Variants in DNAH14 observed in about 807,000 individuals in gnomAD.
DNAH14 encodes the protein dynein axonemal heavy chain 14, also known as axonemal beta dynein heavy chain 14.
In DNAH14, 478 loss-of-function variants were observed where a neutral mutation model predicts 520.9. That is an observed-to-expected ratio of 0.92 (90% CI 0.85 to 0.99). The LOEUF (loss-of-function observed/expected upper bound fraction) is 0.99, where lower values mean the gene tolerates loss of function less well. DNAH14 is among the 50% of genes least tolerant of loss of function. The pLI is 0.00. For missense variants in DNAH14, 4,831 were observed against 5,234.5 expected (o/e 0.92, Z 2.38); for synonymous variants, 1,581 against 1,757.2 (o/e 0.90, Z 2.51).
rs146626307 is a variant in DNAH14, at chr1:225,278,968, G to A, written c.8271+1466G>A. ...TCCTGATTCCTCTGATCCTATTACT[G>A]TTGGGGTTTTTTTGTTTGTTTGTTT... On this transcript the variant is annotated intron_variant, in intron 54 of 85. Coordinates refer to ENST00000682510, the MANE Select transcript of DNAH14 (RefSeq NM_001367479.1). Among the ~76,000 whole-genome samples, 99 of 152,086 alleles carry A rather than the reference G, an allele frequency of 6.5e-4. 1 individual carries two copies. The highest frequency in any genetic ancestry group is 2.3e-3 in the African/African-American group (95 of 41,496).
chr1:224,990,644 T>C (rs2062972721), intron 8 of DNAH14, among the ~76,000 whole-genome samples: 1 of 152,218 alleles, frequency 6.6e-6, no homozygotes, highest in African/African-American at 2.4e-5. Flanking sequence ...AATTTCTTTC[T>C]GAATAGTATT....
rs1394746638 is a variant in DNAH14, at chr1:225,333,177, T to G, written c.9865-114T>G. On this transcript the variant is annotated intron_variant, in intron 65 of 85. Coordinates refer to ENST00000682510, the MANE Select transcript of DNAH14 (RefSeq NM_001367479.1). Reference sequence around the variant, plus strand: ...TATTAACTTTGATACAGCCACAGCTTGAGAACAGCAGTAGTAATTGCAATG... The same window carrying G: ...TATTAACTTTGATACAGCCACAGCTGGAGAACAGCAGTAGTAATTGCAATG... The G allele has an allele frequency of 4.9e-6, 4 of 816,398 alleles. No homozygotes were observed. In the East Asian group the frequency reaches 1.1e-4, roughly 22 times the overall value. The allele number at this position is 816,398 out of a possible 1,614,324, so 50.6% of individuals were successfully genotyped here.
At chr1:225,281,330 A>C (rs1174608915) in intron 54 of DNAH14, among the ~76,000 whole-genome samples, 1 of 151,750 alleles carries the variant, frequency 6.6e-6, no homozygotes, top group Admixed American at 6.6e-5. Flanking sequence ...TTGACCCTTC[A>C]TCAGTCATAA....
At position 225,351,679 on chromosome 1, in the gene DNAH14, C is replaced by T; in HGVS notation, c.11329C>T (p.Gln3777Ter). 1 of 1,549,632 alleles carries T rather than the reference C, an allele frequency of 6.5e-7. No individual in the cohort carries two copies. The highest frequency in any genetic ancestry group is 8.7e-7 in the Non-Finnish European group (1 of 1,145,558). ...TGAAATAGGTGAAAGTCAACATCTT[C>T]AGTGGCTGTCAGATTCCAGGTGGAG... The part of the protein sequence containing the change: ...TFEIGESQHL[Q>*]WLSDSRWRQC... The change falls in exon 72 of 86, where the codon CAG becomes TAG. Residue 3777 changes from glutamine to a stop codon, truncating the protein, a stop_gained. Coordinates refer to ENST00000682510, the MANE Select transcript of DNAH14 (RefSeq NM_001367479.1). LOFTEE classifies it high-confidence loss of function.
chr1:224,946,477 G>A (rs1219110301), intron 1 of DNAH14, among the ~76,000 whole-genome samples: 3 of 152,082 alleles, frequency 2.0e-5, no homozygotes, highest in Admixed American at 2.0e-4. Flanking sequence ...TGCACCCACT[G>A]TCCTGCACCC....
intron 60 of DNAH14, among the ~76,000 whole-genome samples, chr1:225,308,615 A>C (rs1319351245): frequency 6.6e-6 from 1 of 152,186 alleles, no homozygotes; most frequent in Non-Finnish European, 1.5e-5. Flanking sequence ...CCAAACATGC[A>C]TGGTCCCTGT....
At chr1:225,163,303 G>A (rs1194640985) in intron 35 of DNAH14, among the ~76,000 whole-genome samples, 1 of 152,054 alleles carries the variant, frequency 6.6e-6, no homozygotes, top group African/African-American at 2.4e-5. Flanking sequence ...TCATCTGCAA[G>A]CAATGATAAT....
intron 17 of DNAH14, among the ~76,000 whole-genome samples, chr1:225,063,235 A>T (rs1295767279): frequency 6.6e-6 from 1 of 152,184 alleles, no homozygotes; most frequent in Non-Finnish European, 1.5e-5. Flanking sequence ...AAATCCATAG[A>T]TACTCAAGTC....
intron 52 of DNAH14, among the ~76,000 whole-genome samples, chr1:225,273,794 A>G (rs2093381863): frequency 6.6e-6 from 1 of 152,208 alleles, no homozygotes; most frequent in Non-Finnish European, 1.5e-5. Flanking sequence ...AAAGTGTTTC[A>G]ATAAACTGAT....
At chr1:225,183,511 A>G (rs2084292537) in intron 36 of DNAH14, among the ~76,000 whole-genome samples, 2 of 152,196 alleles carry the variant, frequency 1.3e-5, no homozygotes, top group African/African-American at 4.8e-5. Flanking sequence ...GTACTATAAA[A>G]ACAAGAACAA....
chr1:225,209,650 T>A (rs2088077648), intron 41 of DNAH14, among the ~76,000 whole-genome samples: 1 of 152,168 alleles, frequency 6.6e-6, no homozygotes, highest in Admixed American at 6.5e-5. Flanking sequence ...TTTGTTAATA[T>A]CAATATGGTT....
intron 75 of DNAH14, among the ~76,000 whole-genome samples, chr1:225,364,159 T>C (rs574737787): frequency 1.8e-4 from 27 of 152,334 alleles, no homozygotes; most frequent in African/African-American, 5.5e-4. Flanking sequence ...ATCTGTCTCA[T>C]TACTGGTGAT....
intron 8 of DNAH14, among the ~76,000 whole-genome samples, chr1:224,980,936 C>T (rs2062222458): frequency 1.3e-5 from 2 of 152,176 alleles, no homozygotes; most frequent in Admixed American, 1.3e-4. Context: ...ACGTGTATAC[C>T]TATGTAACAA....
intron 17 of DNAH14, among the ~76,000 whole-genome samples, chr1:225,064,858 A>T (rs1033124895): frequency 1.3e-5 from 2 of 151,982 alleles, no homozygotes; most frequent in Non-Finnish European, 2.9e-5. Context: ...AATATGTATG[A>T]GTGTGTTAAA....
In DNAH14 at chr1:225,043,027, T is replaced by A; in HGVS notation, c.1681T>A (p.Cys561Ser). ...EDEMSENKDN[C>S]VKKHSSEELL... Reference sequence around the variant, plus strand: ...TGAAATGTCAGAAAATAAAGACAATTGTGTCAAAAAACACTCAAGTGAAGA... The same window carrying A: ...TGAAATGTCAGAAAATAAAGACAATAGTGTCAAAAAACACTCAAGTGAAGA... The change falls in exon 13 of 86, where the codon TGT (cysteine) becomes AGT (serine). Residue 561 changes from cysteine (C) to serine (S), a missense_variant. Cys to Ser is a moderately radical substitution (Grantham distance 112). Transcript: ENST00000682510. 1.3e-6 allele frequency: 2 copies of A among 1,551,590 alleles called. No homozygotes were observed. The highest frequency in any genetic ancestry group is 1.7e-6 in the Non-Finnish European group (2 of 1,146,934).
chr1:225,054,992 A>G (rs932202224), intron 17 of DNAH14, among the ~76,000 whole-genome samples: 5 of 151,720 alleles, frequency 3.3e-5, no homozygotes, highest in African/African-American at 9.7e-5. Flanking sequence ...CTTTTTTCTT[A>G]AAGTTTTTGT....
At chr1:225,262,675 G>C (rs2092974450) in intron 46 of DNAH14, among the ~76,000 whole-genome samples, 1 of 151,670 alleles carries the variant, frequency 6.6e-6, no homozygotes, top group East Asian at 1.9e-4. Flanking sequence ...TTTATTTCTG[G>C]GTTCTCTGTT....
chr1:225,349,504 T>C (rs773883484), intron 71 of DNAH14, among the ~76,000 whole-genome samples: 1 of 152,136 alleles, frequency 6.6e-6, no homozygotes, highest in Non-Finnish European at 1.5e-5. Context: ...TAAAAAGGCA[T>C]AGATTGGCTG....
chr1:225,273,947 C>T (rs1350378188), intron 52 of DNAH14, among the ~76,000 whole-genome samples: 3 of 151,934 alleles, frequency 2.0e-5, no homozygotes, highest in African/African-American at 7.3e-5. Flanking sequence ...TCTGGTGGTG[C>T]CAACTTCATT....
Sources: gnomAD v4.1 joint callset for allele counts (sites outside exome capture counted in the v4.1 genomes callset) on GRCh38, gnomAD v4.1.1 for gene constraint, MANE v1.5 for transcripts, NCBI Gene and HGNC (gene_info 2026-07-23, HGNC 2026-07-21) for gene names.